ATE1: variants seen among roughly 807,000 people sequenced by gnomAD.
ATE1 encodes arginyl-tRNA--protein transferase 1.
A neutral mutation model predicts 70.5 loss-of-function variants in ATE1; 36 were observed. The ratio of observed to expected loss-of-function variants is 0.51; its 90% CI spans 0.39 to 0.67. ATE1 has a LOEUF of 0.67. Among genes scored for constraint, ATE1 ranks in the 30% least tolerant of loss-of-function variants. The pLI is 0.00. For missense variants in ATE1, 593 were observed against 629.5 expected (o/e 0.94, Z 0.62); for synonymous variants, 232 against 219.3 (o/e 1.06, Z -0.51).
chr10:121,868,850 A>G (rs940515924), intron 8 of ATE1, among the ~76,000 whole-genome samples: 1 of 152,162 alleles, frequency 6.6e-6, no homozygotes, highest in Non-Finnish European at 1.5e-5. Flanking sequence ...TGGCTACCAC[A>G]CGTTTTCAAT....
intron 8 of ATE1, among the ~76,000 whole-genome samples, chr10:121,864,234 G>A (rs981911181): frequency 6.6e-6 from 1 of 152,238 alleles, no homozygotes; most frequent in Non-Finnish European, 1.5e-5. Flanking sequence ...GGGTCAGAGG[G>A]GAGAAGGGGA....
chr10:121,928,379 T>G, upstream of ATE1: 1 of 1,533,032 alleles, frequency 6.5e-7, no homozygotes, highest in Admixed American at 2.0e-5. Flanking sequence ...GGAATCGCAG[T>G]AGCCGCAGTG....
At chr10:121,851,556 A>G (rs567751299) in intron 8 of ATE1, among the ~76,000 whole-genome samples, 2 of 152,072 alleles carry the variant, frequency 1.3e-5, no homozygotes, top group Non-Finnish European at 2.9e-5. Flanking sequence ...AGACTATAAA[A>G]AGTCTAGGTC....
chr10:121,750,981 G>T (rs1189940527), intron 11 of ATE1, among the ~76,000 whole-genome samples: 2 of 152,178 alleles, frequency 1.3e-5, no homozygotes, highest in Non-Finnish European at 2.9e-5. Context: ...CGAGGGAGGG[G>T]ACAGGAAAGG....
chr10:121,769,268 A>G (rs542980631), intron 11 of ATE1, among the ~76,000 whole-genome samples: 1 of 152,216 alleles, frequency 6.6e-6, no homozygotes, highest in Non-Finnish European at 1.5e-5. Flanking sequence ...AATTTTTGAC[A>G]AAGTTGCAAA....
rs200065781 is a variant in ATE1 at position 121,875,399 on chromosome 10, G to GGTT, written c.943-5364_943-5362dup. ...GGCTCACTGCAACCTCCGCCTCTCA[G>GGTT]GTTCAAGCGATTCTCCCACCTCAGC... On this transcript the variant is annotated intron_variant, in intron 7 of 11. Transcript: ENST00000224652. Among the ~76,000 whole-genome samples, 1,021 of 146,514 alleles carry GGTT rather than the reference G, an allele frequency of 7.0e-3. 11 individuals are homozygous for GGTT. Among genetic ancestry groups the GGTT allele is most frequent in the African/African-American group, 0.024 (957 of 39,962 alleles).
intron 8 of ATE1, among the ~76,000 whole-genome samples, chr10:121,850,874 G>A (rs950846044): frequency 2.6e-5 from 4 of 151,554 alleles, no homozygotes; most frequent in Admixed American, 6.6e-5. Context: ...GGTGGATCAC[G>A]AGGTCAGGAG....
intron 10 of ATE1, among the ~76,000 whole-genome samples, chr10:121,820,742 T>C (rs918083200): frequency 6.6e-6 from 1 of 152,220 alleles, no homozygotes; most frequent in Non-Finnish European, 1.5e-5. Context: ...AGCTGAGACA[T>C]TTCATCATAA....
intron 4 of ATE1, among the ~76,000 whole-genome samples, chr10:121,911,802 A>C (rs1951445261): frequency 1.3e-5 from 2 of 151,920 alleles, no homozygotes; most frequent in East Asian, 1.9e-4. Flanking sequence ...GCTGCAGTGC[A>C]GGGGCGCGAC....
chr10:121,778,746 C>A (rs561228814), intron 11 of ATE1, among the ~76,000 whole-genome samples: 3 of 151,862 alleles, frequency 2.0e-5, no homozygotes, highest in African/African-American at 7.3e-5. Context: ...GGATTACAGA[C>A]GCACACCACC....
chr10:121,748,298 T>C (rs1944446158), intron 11 of ATE1, among the ~76,000 whole-genome samples: 1 of 152,180 alleles, frequency 6.6e-6, no homozygotes, highest in African/African-American at 2.4e-5. Context: ...TCCAGTATGA[T>C]ATATACAAAT....
chr10:121,885,260 C>CAAAAAA (rs1212899309), intron 7 of ATE1, among the ~76,000 whole-genome samples: 1 of 33,392 alleles, frequency 3.0e-5, no homozygotes, highest in African/African-American at 1.1e-4. Flanking sequence ...GACTCCGTCT[C>CAAAAAA]AAAAAAAAAA....
intron 10 of ATE1, among the ~76,000 whole-genome samples, chr10:121,811,951 C>CTTTTTTTT (rs71022870): frequency 1.3e-5 from 1 of 74,736 alleles, no homozygotes; most frequent in African/African-American, 5.3e-5. Context: ...ATTCCAAATT[C>CTTTTTTTT]TTTTTTTTTT....
intron 8 of ATE1, among the ~76,000 whole-genome samples, chr10:121,851,904 G>C (rs915624467): frequency 6.6e-6 from 1 of 152,244 alleles, no homozygotes; most frequent in African/African-American, 2.4e-5. Context: ...AATGACCTAT[G>C]TGGTATAATA....
intron 11 of ATE1, among the ~76,000 whole-genome samples, chr10:121,771,902 T>C (rs1301505095): frequency 6.6e-6 from 1 of 152,228 alleles, no homozygotes; most frequent in East Asian, 1.9e-4. Flanking sequence ...GCAACTTTAT[T>C]TCTGTAAACC....
intron 11 of ATE1, among the ~76,000 whole-genome samples, chr10:121,751,235 T>G (rs560113367): frequency 6.6e-6 from 1 of 152,250 alleles, no homozygotes; most frequent in Non-Finnish European, 1.5e-5. Flanking sequence ...TATCTAAGCT[T>G]GTAAAATGTC....
intron 8 of ATE1, among the ~76,000 whole-genome samples, chr10:121,853,989 A>G (rs577071017): frequency 6.6e-6 from 1 of 152,338 alleles, no homozygotes; most frequent in East Asian, 1.9e-4. Flanking sequence ...TCACTTTCCA[A>G]AAGGCCTCAC....
At chr10:121,790,072 C>T (rs1208310848) in intron 11 of ATE1, 97 bp downstream of exon 11, 4 of 1,524,650 alleles carry the variant, frequency 2.6e-6, no homozygotes, top group African/African-American at 2.8e-5. Flanking sequence ...CTATAATATA[C>T]AAAGCTACCT....
intron 8 of ATE1, among the ~76,000 whole-genome samples, chr10:121,860,278 TAAGA>T (rs1949421787): frequency 2.0e-5 from 3 of 152,186 alleles, no homozygotes; most frequent in African/African-American, 7.2e-5. Flanking sequence ...AGGGGAATGC[TAAGA>T]AAGACCAAAG....
Sources: allele counts gnomAD v4.1 joint callset (sites outside exome capture counted in the v4.1 genomes callset), GRCh38; gene constraint gnomAD v4.1.1; transcripts MANE v1.5; gene names NCBI Gene and HGNC (gene_info 2026-07-23, HGNC 2026-07-21).